Variants in FAF1 observed in about 807,000 individuals in gnomAD.
The protein encoded by FAF1 is Fas associated factor 1.
In FAF1, 25 loss-of-function variants were observed where a neutral mutation model predicts 92.5. That is an observed-to-expected ratio of 0.27 (90% confidence interval 0.20 to 0.38). The LOEUF (loss-of-function observed/expected upper bound fraction) is 0.38, where lower values mean the gene tolerates loss of function less well. Among genes scored for constraint, FAF1 ranks in the 10% least tolerant of loss-of-function variants. The pLI, the probability that FAF1 is intolerant of heterozygous loss-of-function variation, is 1.00. For missense variants in FAF1, 636 were observed against 793.3 expected (o/e 0.80, Z 2.38); for synonymous variants, 234 against 273.2 (o/e 0.86, Z 1.42).
intron 12 of FAF1, among the ~76,000 whole-genome samples, chr1:50,569,970 GAGAC>G (rs1000898991): frequency 2.0e-5 from 3 of 152,094 alleles, no homozygotes; most frequent in African/African-American, 7.2e-5. Flanking sequence ...AAAGAAGAAA[GAGAC>G]AGGCGAAGAT....
chr1:50,575,538 C>T (rs1650687664), intron 12 of FAF1, among the ~76,000 whole-genome samples: 1 of 151,982 alleles, frequency 6.6e-6, no homozygotes, highest in Admixed American at 6.5e-5. Flanking sequence ...GTGTCATTTT[C>T]TACTTAAAAT....
chr1:50,637,400 C>A (rs961984866), intron 8 of FAF1, among the ~76,000 whole-genome samples: 1 of 151,320 alleles, frequency 6.6e-6, no homozygotes, highest in Admixed American at 6.6e-5. Flanking sequence ...TTGCAGTGAG[C>A]CAAGATCGCG....
chr1:50,581,196 G>A (rs1293954224), intron 12 of FAF1, among the ~76,000 whole-genome samples: 2 of 152,062 alleles, frequency 1.3e-5, no homozygotes, highest in Non-Finnish European at 2.9e-5. Flanking sequence ...GCTTAAAACA[G>A]CTTTTAAAAG....
rs773785385 is a variant in FAF1, at chr1:50,927,008, C to T, written c.45+32759G>A. Among the ~76,000 whole-genome samples the T allele has an allele frequency of 5.3e-5, 8 of 152,216 alleles. No homozygotes were observed. The South Asian group carries it at 6.2e-4, about 12-fold the overall frequency. ...ACTATGTTAAGTGAAACAAGCCAGACATAAAAGAACAAACACTAAATAATT... is the reference window on the plus strand; with the variant it reads ...ACTATGTTAAGTGAAACAAGCCAGATATAAAAGAACAAACACTAAATAATT... On this transcript the variant is annotated intron_variant, in intron 1 of 18. Coordinates refer to ENST00000396153, the MANE Select transcript of FAF1 (RefSeq NM_007051.3).
chr1:50,790,953 A>G (rs1157983438), intron 3 of FAF1, among the ~76,000 whole-genome samples: 1 of 152,162 alleles, frequency 6.6e-6, no homozygotes, highest in Non-Finnish European at 1.5e-5. Context: ...ATTGTTCCAT[A>G]AAACTTTTTA....
chr1:50,837,324 T>C (rs1458070507), intron 2 of FAF1, among the ~76,000 whole-genome samples: 1 of 152,178 alleles, frequency 6.6e-6, no homozygotes, highest in Admixed American at 6.5e-5. Context: ...TTGTATTTAG[T>C]TGTCTTTTCT....
At chr1:50,593,427 A>G (rs1651626065) in intron 9 of FAF1, among the ~76,000 whole-genome samples, 1 of 152,232 alleles carries the variant, frequency 6.6e-6, no homozygotes, top group African/African-American at 2.4e-5. Context: ...CTAGTTGGCC[A>G]CCTTTTAATG....
chr1:50,910,045 G>A (rs1456269569), intron 1 of FAF1, among the ~76,000 whole-genome samples: 3 of 152,138 alleles, frequency 2.0e-5, no homozygotes, highest in Non-Finnish European at 4.4e-5. Flanking sequence ...TGATGTTGAC[G>A]TACAGACGGG....
intron 15 of FAF1, among the ~76,000 whole-genome samples, chr1:50,531,584 G>A (rs1210783979): frequency 1.3e-5 from 2 of 152,116 alleles, no homozygotes; most frequent in African/African-American, 4.8e-5. Flanking sequence ...TAAAGCAAAA[G>A]ATTTCTTTGT....
intron 1 of FAF1, among the ~76,000 whole-genome samples, chr1:50,923,206 C>T (rs1272729633): frequency 3.3e-5 from 5 of 152,082 alleles, no homozygotes; most frequent in African/African-American, 1.2e-4. Context: ...ATTGCTTAAG[C>T]CCAGGAGTTC....
intron 3 of FAF1, among the ~76,000 whole-genome samples, chr1:50,789,600 T>A (rs749933852): frequency 1.3e-5 from 2 of 152,192 alleles, no homozygotes; most frequent in South Asian, 4.1e-4. Context: ...CAAGCCACAA[T>A]TACCTCCTGT....
intron 8 of FAF1, among the ~76,000 whole-genome samples, chr1:50,643,027 A>G (rs1654416830): frequency 6.6e-6 from 1 of 151,854 alleles, no homozygotes; most frequent in Non-Finnish European, 1.5e-5. Context: ...ACAGGGTTTC[A>G]CCATGTTGGC....
intron 8 of FAF1, among the ~76,000 whole-genome samples, chr1:50,652,459 C>T (rs1035253745): frequency 3.3e-5 from 5 of 152,160 alleles, no homozygotes; most frequent in African/African-American, 7.2e-5. Flanking sequence ...ACCTGATAAG[C>T]CAATTTCAGT....
At chr1:50,883,149 A>G (rs1644628104) in intron 1 of FAF1, among the ~76,000 whole-genome samples, 1 of 152,092 alleles carries the variant, frequency 6.6e-6, no homozygotes, top group Non-Finnish European at 1.5e-5. Context: ...TCAAATGCCT[A>G]AGTGTCCAAA....
chr1:50,447,896 G>A (rs933725299), intron 18 of FAF1, among the ~76,000 whole-genome samples: 1 of 152,150 alleles, frequency 6.6e-6, no homozygotes, highest in African/African-American at 2.4e-5. Context: ...AATGTTATCA[G>A]GATATAAAGG....
Position 50,614,972 on chromosome 1 carries a change from T to C in FAF1, c.745-18756A>G, listed in dbSNP as rs147553712. ...ACAGGGAGTACATGTACAGGATTTT[T>C]ACATGGGTATATTGCACCCAGGTAG... On this transcript the variant is annotated intron_variant, in intron 8 of 18. Coordinates refer to ENST00000396153, the MANE Select transcript of FAF1 (RefSeq NM_007051.3). Among the ~76,000 whole-genome samples, 4 of 152,332 alleles carry C rather than the reference T, an allele frequency of 2.6e-5. No homozygotes were observed. In the East Asian group the frequency reaches 7.7e-4, roughly 29 times the overall value.
chr1:50,860,113 G>C (rs1179190128), intron 1 of FAF1, among the ~76,000 whole-genome samples: 1 of 151,868 alleles, frequency 6.6e-6, no homozygotes, highest in Admixed American at 6.6e-5. Context: ...ACTCAGGATG[G>C]ATTAAAGATT....
chr1:50,836,728 T>G (rs1447781843), intron 2 of FAF1, among the ~76,000 whole-genome samples: 2 of 152,258 alleles, frequency 1.3e-5, no homozygotes, highest in Admixed American at 6.5e-5. Context: ...AATTATTATG[T>G]GTCAATTAAA....
intron 7 of FAF1, among the ~76,000 whole-genome samples, chr1:50,694,587 C>T (rs1022121142): frequency 6.7e-6 from 1 of 150,044 alleles, no homozygotes; most frequent in African/African-American, 2.4e-5. Flanking sequence ...GTCTCCAAAC[C>T]AAAACTTTAT....
Sources: allele counts gnomAD v4.1 joint callset (sites outside exome capture counted in the v4.1 genomes callset), GRCh38; gene constraint gnomAD v4.1.1; transcripts MANE v1.5; gene names NCBI Gene and HGNC (gene_info 2026-07-23, HGNC 2026-07-21).